The following CDC37 variants were observed in gnomAD, a reference collection of about 807,000 sequenced individuals.
CDC37 encodes cell division cycle 37, HSP90 cochaperone, also known as hsp90 co-chaperone Cdc37.
Under a neutral mutation model 46.9 loss-of-function variants are expected in CDC37, and 9 were observed. The observed-to-expected ratio is 0.19, with a 90% CI of 0.12 to 0.33. The LOEUF (loss-of-function observed/expected upper bound fraction) is 0.33. Ranked by LOEUF, CDC37 falls within the 10% of genes least tolerant of loss-of-function variation. The pLI, the probability that CDC37 is intolerant of heterozygous loss-of-function variation, is 1.00. For synonymous variants in CDC37, 193 were observed against 191.0 expected (o/e 1.01, Z -0.09); for missense variants, 388 against 514.6 (o/e 0.75, Z 2.38).
In CDC37 at chr19:10,395,002, G is replaced by A. The variant is rs750112484; in HGVS notation, c.726+19C>T. 4.0e-6 allele frequency: 6 copies of A among 1,510,622 alleles called. No individual in the cohort carries two copies. Among genetic ancestry groups the A allele is most frequent in the Non-Finnish European group, 5.3e-6 (6 of 1,131,798 alleles). The allele number at this position is 1,510,622 out of a possible 1,614,324, so 93.6% of individuals were successfully genotyped here. On this transcript the variant is annotated intron_variant, in intron 5 of 7. Coordinates refer to ENST00000222005, the MANE Select transcript of CDC37 (RefSeq NM_007065.4). ...CTGGGGAGGGGGCCTCCAGCCACCTGGCAGCTCAGGGACCCTACCTTAATC... is the reference window on the plus strand; with the variant it reads ...CTGGGGAGGGGGCCTCCAGCCACCTAGCAGCTCAGGGACCCTACCTTAATC...
At position 10,395,908 on chromosome 19, in the gene CDC37, G is replaced by A. The variant is rs759069863; in HGVS notation, c.378+20C>T. On this transcript the variant is annotated intron_variant, in intron 2 of 7. Transcript: ENST00000222005. The stretch of plus-strand genomic sequence containing the variant: ...CTCTGGCTGCGCATGCGCACTGCCC[G>A]CCCCGCCCGCCCCGCACACCTTGCT... 13 of 431,260 alleles carry A rather than the reference G, an allele frequency of 3.0e-5. No homozygotes were observed. The highest frequency in any genetic ancestry group is 1.5e-4 in the South Asian group (6 of 40,122). The allele number at this position is 431,260 out of a possible 1,614,324, so 26.7% of individuals were successfully genotyped here.
At chr19:10,394,236 C>T (rs2042475449) in intron 5 of CDC37, among the ~76,000 whole-genome samples, 1 of 152,192 alleles carries the variant, frequency 6.6e-6, no homozygotes, top group African/African-American at 2.4e-5. Flanking sequence ...TGCATTCCAG[C>T]CTTGGTGACA....
chr19:10,399,551 T>C (rs1022375684), intron 1 of CDC37, among the ~76,000 whole-genome samples: 1 of 137,584 alleles, frequency 7.3e-6, no homozygotes, highest in Non-Finnish European at 1.6e-5. Flanking sequence ...CCTATAATCC[T>C]AGCACTTTGG....
Position 10,393,064 on chromosome 19 carries a change from A to G in CDC37, c.981+22T>C. 1 of 1,607,756 alleles carries G rather than the reference A, an allele frequency of 6.2e-7. No homozygotes were observed. Among genetic ancestry groups the G allele is most frequent in the Non-Finnish European group, 8.5e-7 (1 of 1,174,370 alleles). On this transcript the variant is annotated intron_variant, in intron 7 of 7. Coordinates refer to ENST00000222005, the MANE Select transcript of CDC37 (RefSeq NM_007065.4). This position sits in a 1 kb window ranked among gnomAD's most constrained non-coding sequence, Gnocchi z 4.9. ...GAGACACACGGCCCGCCGGGAAGGC[A>G]TGGGGCGCGGGGGTTACTCACGGTG...
chr19:10,393,422 A>G lies in CDC37; in HGVS notation c.746T>C (p.Met249Thr), dbSNP rs760227229. The part of the protein sequence containing the change: ...TKIKTADRQY[M>T]EGFNDELEAF... ...TTCCAGCTCGTCGTTGAAGCCCTCC[A>G]TGTACTGGCGATCGGCTGTCTATGG... Residue 249 changes from methionine (M) to threonine (T), a missense_variant, in exon 6 of 8, where the codon ATG becomes ACG. Met to Thr is a moderately conservative substitution (Grantham distance 81). Around this residue, in one of 2 missense-constraint regions of CDC37, gnomAD observed 374 missense variants for 467.4 expected, o/e 0.80. Transcript: ENST00000222005. This position sits in a 1 kb window ranked among gnomAD's most constrained non-coding sequence, Gnocchi z 4.9. 2 of 1,612,956 alleles carry G rather than the reference A, an allele frequency of 1.2e-6. No homozygotes were observed. The highest frequency in any genetic ancestry group is 1.7e-6 in the Non-Finnish European group (2 of 1,179,690).
intron 7 of CDC37, 193 bp downstream of exon 7, chr19:10,392,893 A>T (rs2145415730): frequency 1.6e-6 from 1 of 606,520 alleles, no homozygotes; most frequent in East Asian, 2.7e-5. Flanking sequence ...AAAGCTCAGC[A>T]TTTATCTGCT....
Position 10,393,541 on chromosome 19 carries a change from G to T in CDC37, c.727-100C>A. 8.0e-7 allele frequency: 1 copy of T among 1,251,164 alleles called. No homozygotes were observed. Among genetic ancestry groups the T allele is most frequent in the Non-Finnish European group, 1.1e-6 (1 of 910,300 alleles). The allele number at this position is 1,251,164 out of a possible 1,614,324, so 77.5% of individuals were successfully genotyped here. ...CCACAGCTCCTCAGAGGCGCCCCAC[G>T]GTTCCCCAAGTCTATTCCTGACCTA... is the stretch of plus-strand genomic sequence containing the variant. On this transcript the variant is annotated intron_variant, in intron 5 of 7. Coordinates refer to ENST00000222005, the MANE Select transcript of CDC37 (RefSeq NM_007065.4). The surrounding 1 kb of genome is among the most constrained non-coding windows in gnomAD (Gnocchi z 4.9).
Position 10,391,191 on chromosome 19 carries a change from C to G in CDC37, c.*360G>C, listed in dbSNP as rs546478648. On this transcript the variant is annotated 3_prime_UTR_variant, in exon 8 of 8. Coordinates refer to ENST00000222005, the MANE Select transcript of CDC37 (RefSeq NM_007065.4). The stretch of plus-strand genomic sequence containing the variant: ...CTGTTTGCCAAATAGAAGACACAGA[C>G]AGCAGACGAACAGTGAAAACAGAGC... 1 of 308,530 alleles carries G rather than the reference C, an allele frequency of 3.2e-6. No individual in the cohort carries two copies. 19.1% of individuals were successfully genotyped at this position (308,530 alleles called of 1,614,324 possible).
At chr19:10,395,410 C>T (rs199725202) in intron 3 of CDC37, 25 bp downstream of exon 3, 5 of 1,608,002 alleles carry the variant, frequency 3.1e-6, no homozygotes, top group Non-Finnish European at 4.3e-6. Flanking sequence ...GACCTTGCCC[C>T]CCATAACCCA....
rs2042492347 is a variant in CDC37, at chr19:10,396,312, C to T, written c.103-109G>A. Reference sequence around the variant, plus strand: ...GCCCCAGGAAAAAGTACGCGTCCACCTCCCGTGCCCTGGTCTCCCAGCTTC... The same window carrying T: ...GCCCCAGGAAAAAGTACGCGTCCACTTCCCGTGCCCTGGTCTCCCAGCTTC... On this transcript the variant is annotated intron_variant, in intron 1 of 7. Transcript: ENST00000222005. The surrounding 1 kb of genome is among the most constrained non-coding windows in gnomAD (Gnocchi z 5.9). 1.6e-6 allele frequency: 2 copies of T among 1,273,308 alleles called. No homozygotes were observed. Among genetic ancestry groups the T allele is most frequent in the Non-Finnish European group, 2.2e-6 (2 of 926,496 alleles). The allele number at this position is 1,273,308 out of a possible 1,614,324, so 78.9% of individuals were successfully genotyped here.
At chr19:10,400,967 A>G (rs1425746096) in intron 1 of CDC37, among the ~76,000 whole-genome samples, 1 of 152,226 alleles carries the variant, frequency 6.6e-6, no homozygotes, top group Non-Finnish European at 1.5e-5. Context: ...CATCATTCAG[A>G]TTCTCAGGTA....
chr19:10,395,130 A>T lies in CDC37; in HGVS notation c.617T>A (p.Met206Lys). The change falls in exon 5 of 8, where the codon ATG becomes AAG. Residue 206 changes from methionine to lysine, a missense_variant. By Grantham distance (95) the Met-to-Lys change is moderately conservative (BLOSUM62 -1). Around this residue, in one of 2 missense-constraint regions of CDC37, gnomAD observed 374 missense variants for 467.4 expected, o/e 0.80. Coordinates refer to ENST00000222005, the MANE Select transcript of CDC37 (RefSeq NM_007065.4). ...GATTGTCTGGTGGGCCACCTGCTCC[A>T]TGAGTGCACATTTCTGCCAGGAAGA... ...DLEVEEKCAL[M>K]EQVAHQTIVM... 1 of 1,595,026 alleles carries T rather than the reference A, an allele frequency of 6.3e-7. No homozygotes were observed. The highest frequency in any genetic ancestry group is 8.6e-7 in the Non-Finnish European group (1 of 1,167,128).
Position 10,393,499 on chromosome 19 carries a change from G to T in CDC37, c.727-58C>A. On this transcript the variant is annotated intron_variant, in intron 5 of 7. Transcript: ENST00000222005. The surrounding 1 kb of genome is among the most constrained non-coding windows in gnomAD (Gnocchi z 4.9). ...GCCCAACGCTCAGGAGGGACTGGGG[G>T]GCCCAGGACCCTCCAGCCACAGCTC... 1.3e-6 allele frequency: 2 copies of T among 1,513,654 alleles called. No individual in the cohort carries two copies. The highest frequency in any genetic ancestry group is 1.3e-5 in the South Asian group (1 of 79,270). 93.8% of individuals were successfully genotyped at this position (1,513,654 alleles called of 1,614,324 possible). A position where few individuals can be genotyped will look rare whatever the true frequency, so the allele number is the denominator to read the frequency against.
intron 2 of CDC37, 24 bp downstream of exon 2, chr19:10,395,904 G>GACCCCCCC: frequency 5.2e-6 from 8 of 1,541,894 alleles, no homozygotes; most frequent in East Asian, 2.3e-5. Context: ...CATGCGCACT[G>GACCCCCCC]CCCGCCCCGC....
chr19:10,402,157 C>CAAAAAAAAAAAAA (rs753021871), intron 1 of CDC37, among the ~76,000 whole-genome samples: 3 of 63,836 alleles, frequency 4.7e-5, no homozygotes, highest in African/African-American at 1.9e-4. Context: ...AACTTCGTCT[C>CAAAAAAAAAAAAA]AAAAAAAAAA....
chr19:10,402,607 C>T (rs561950154), intron 1 of CDC37, among the ~76,000 whole-genome samples: 20 of 152,104 alleles, frequency 1.3e-4, no homozygotes, highest in South Asian at 8.3e-4. Context: ...CCGGAAGCCA[C>T]GTGGGCAGGA....
Position 10,395,012 on chromosome 19 carries a change from G to C in CDC37, c.726+9C>G. The C allele has an allele frequency of 6.6e-7, 1 of 1,514,848 alleles. No homozygotes were observed. The highest frequency in any genetic ancestry group is 8.8e-7 in the Non-Finnish European group (1 of 1,133,544). 93.8% of individuals were successfully genotyped at this position (1,514,848 alleles called of 1,614,324 possible). On this transcript the variant is annotated intron_variant, in intron 5 of 7. Transcript: ENST00000222005. ...GGCCTCCAGCCACCTGGCAGCTCAG[G>C]GACCCTACCTTAATCTTAGTGAAGA...
intron 7 of CDC37, 30 bp from the exon 8 acceptor site, chr19:10,391,736 G>C: frequency 6.2e-7 from 1 of 1,604,912 alleles, no homozygotes; most frequent in Non-Finnish European, 8.5e-7. Context: ...AGATGAGGTG[G>C]GGCCGCCAGC....
intron 2 of CDC37, 55 bp downstream of exon 2, chr19:10,395,873 G>A (rs1218402593): frequency 6.3e-7 from 1 of 1,583,826 alleles, no homozygotes; most frequent in Non-Finnish European, 8.6e-7. Flanking sequence ...ATGCGTCCTG[G>A]TTGCAGGCTC....
Sources: gnomAD v4.1 joint callset for allele counts (sites outside exome capture counted in the v4.1 genomes callset) on GRCh38, gnomAD v4.1.1 for gene constraint, gnomAD v4.1.1 regional missense constraint, Gnocchi (gnomAD v3.1) non-coding constraint, MANE v1.5 for transcripts, NCBI Gene and HGNC (gene_info 2026-07-23, HGNC 2026-07-21) for gene names.